The following DOCK3 variants were observed in gnomAD, a reference collection of about 807,000 sequenced individuals.
DOCK3 encodes dedicator of cytokinesis 3, also known as dedicator of cytokinesis protein 3.
Under a neutral mutation model 265.6 loss-of-function variants are expected in DOCK3, and 60 were observed. The ratio of observed to expected loss-of-function variants is 0.23; its 90% CI spans 0.18 to 0.28. The LOEUF is 0.28. Ranked by LOEUF, DOCK3 falls within the 10% of genes least tolerant of loss-of-function variation. The pLI is 1.00. For synonymous variants in DOCK3, 881 were observed against 938.0 expected, an observed-to-expected ratio of 0.94 and a Z score of 1.11; for missense variants, 1,981 against 2,594.3, an observed-to-expected ratio of 0.76 and a Z score of 5.14.
chr3:50,835,464 T>C (rs533554322), intron 2 of DOCK3, among the ~76,000 whole-genome samples: 2 of 152,344 alleles, frequency 1.3e-5, no homozygotes, highest in Non-Finnish European at 2.9e-5. Flanking sequence ...GTCAAAGTTA[T>C]ATAGCTGACT....
intron 9 of DOCK3, among the ~76,000 whole-genome samples, chr3:51,101,469 T>G (rs2083089716): frequency 6.6e-6 from 1 of 152,180 alleles, no homozygotes; most frequent in South Asian, 2.1e-4. Flanking sequence ...ATCATCAGGA[T>G]GCTGAAAAGG....
At chr3:50,991,767 CA>C (rs539608141) in intron 5 of DOCK3, among the ~76,000 whole-genome samples, 3 of 150,726 alleles carry the variant, frequency 2.0e-5, no homozygotes, top group African/African-American at 2.4e-5. Flanking sequence ...AACTCTCCAC[CA>C]AAAAAAAACA....
intron 5 of DOCK3, among the ~76,000 whole-genome samples, chr3:51,045,327 C>G (rs1298562518): frequency 6.6e-6 from 1 of 152,096 alleles, no homozygotes; most frequent in Non-Finnish European, 1.5e-5. Context: ...AGTGACAATA[C>G]AGACATTTGC....
chr3:51,128,859 C>T (rs1179580031), intron 9 of DOCK3, among the ~76,000 whole-genome samples: 2 of 152,164 alleles, frequency 1.3e-5, no homozygotes, highest in East Asian at 1.9e-4. Context: ...ATGGCCACCT[C>T]GTTCATGGGT....
intron 4 of DOCK3, among the ~76,000 whole-genome samples, chr3:50,905,972 AG>A (rs1186810689): frequency 6.6e-6 from 1 of 152,084 alleles, no homozygotes; most frequent in African/African-American, 2.4e-5. Flanking sequence ...TTTAGCATGA[AG>A]GGCTGTTGAA....
intron 5 of DOCK3, among the ~76,000 whole-genome samples, chr3:50,986,102 A>C (rs1178255097): frequency 6.6e-6 from 1 of 152,102 alleles, no homozygotes; most frequent in African/African-American, 2.4e-5. Context: ...GATTTGATTC[A>C]GTTTCTATTA....
chr3:51,138,986 A>G (rs529349681), intron 9 of DOCK3, among the ~76,000 whole-genome samples: 2 of 152,168 alleles, frequency 1.3e-5, no homozygotes, highest in African/African-American at 4.8e-5. Context: ...CTTTTATAAC[A>G]GCCCTAGGTG....
At chr3:51,046,561 C>T (rs1414397513) in intron 5 of DOCK3, among the ~76,000 whole-genome samples, 2 of 152,014 alleles carry the variant, frequency 1.3e-5, no homozygotes, top group Non-Finnish European at 2.9e-5. Context: ...AATATATATG[C>T]ACTCATCATG....
At chr3:51,170,449 T>C (rs2086619341) in intron 12 of DOCK3, among the ~76,000 whole-genome samples, 1 of 152,188 alleles carries the variant, frequency 6.6e-6, no homozygotes, top group Non-Finnish European at 1.5e-5. Flanking sequence ...TTTTTTATTC[T>C]TTATGATTCA....
intron 1 of DOCK3, among the ~76,000 whole-genome samples, chr3:50,763,834 A>G (rs1465262260): frequency 6.6e-6 from 1 of 152,182 alleles, no homozygotes; most frequent in Non-Finnish European, 1.5e-5. Flanking sequence ...AAGAACTAAC[A>G]TTTGGTTTCA....
At chr3:50,862,206 A>G (rs2046949389) in intron 3 of DOCK3, among the ~76,000 whole-genome samples, 1 of 152,152 alleles carries the variant, frequency 6.6e-6, no homozygotes, top group African/African-American at 2.4e-5. Flanking sequence ...AAAGCTCTGT[A>G]TGTGTTCCCT....
chr3:50,993,436 T>C (rs924338521), intron 5 of DOCK3, among the ~76,000 whole-genome samples: 4 of 152,188 alleles, frequency 2.6e-5, no homozygotes, highest in Non-Finnish European at 5.9e-5. Flanking sequence ...CAAGGAGATA[T>C]AAATAGCTCA....
intron 12 of DOCK3, among the ~76,000 whole-genome samples, chr3:51,196,119 A>G (rs1276949913): frequency 2.7e-5 from 4 of 146,770 alleles, no homozygotes; most frequent in Non-Finnish European, 6.0e-5. Flanking sequence ...TTTTTTTTTC[A>G]AAGATTGGTT....
intron 38 of DOCK3, among the ~76,000 whole-genome samples, chr3:51,346,665 C>G (rs370789494): frequency 2.0e-5 from 3 of 152,060 alleles, no homozygotes; most frequent in African/African-American, 4.8e-5. Context: ...GTAATGAGAT[C>G]GCTGGGTCAA....
intron 6 of DOCK3, among the ~76,000 whole-genome samples, chr3:51,070,470 G>GT (rs2081814749): frequency 6.6e-6 from 1 of 151,978 alleles, no homozygotes; most frequent in Admixed American, 6.6e-5. Context: ...AGCTTCCTTG[G>GT]TTAAAAAATG....
intron 1 of DOCK3, among the ~76,000 whole-genome samples, chr3:50,734,119 C>G (rs947771270): frequency 1.3e-5 from 2 of 152,136 alleles, no homozygotes; most frequent in Non-Finnish European, 2.9e-5. Flanking sequence ...TCAATTTAGC[C>G]ATTCCACTGT....
At chr3:51,147,180 G>A (rs537495683) in intron 10 of DOCK3, among the ~76,000 whole-genome samples, 1 of 152,180 alleles carries the variant, frequency 6.6e-6, no homozygotes, top group African/African-American at 2.4e-5. Flanking sequence ...AAGGCCACTG[G>A]GAATTTCTCT....
chr3:50,822,705 C>A (rs948741534), intron 2 of DOCK3, among the ~76,000 whole-genome samples: 5 of 152,108 alleles, frequency 3.3e-5, no homozygotes, highest in African/African-American at 1.2e-4. Context: ...GTTGCCCAGG[C>A]TGGTACCATA....
At chr3:50,680,755 C>T (rs2034353222) in intron 1 of DOCK3, among the ~76,000 whole-genome samples, 2 of 151,958 alleles carry the variant, frequency 1.3e-5, no homozygotes, top group Admixed American at 6.6e-5. Context: ...AAGAGACCCT[C>T]CCTCCTGGGG....
Sources: gnomAD v4.1 joint callset for allele counts (sites outside exome capture counted in the v4.1 genomes callset) on GRCh38, gnomAD v4.1.1 for gene constraint, MANE v1.5 for transcripts, NCBI Gene and HGNC (gene_info 2026-07-23, HGNC 2026-07-21) for gene names.